VPS13B: variants seen among roughly 807,000 people sequenced by gnomAD.
The protein encoded by VPS13B is vacuolar protein sorting 13 homolog B.
In VPS13B, 285 loss-of-function variants were observed where a neutral mutation model predicts 426.4. The observed-to-expected ratio is 0.67, with a 90% CI of 0.61 to 0.74. The LOEUF (loss-of-function observed/expected upper bound fraction) is 0.74. Ranked by LOEUF, VPS13B falls within the 30% of genes least tolerant of loss-of-function variation. The pLI is 0.00. For missense variants in VPS13B, 4,537 were observed against 4,782.6 expected (o/e 0.95, Z 1.51); for synonymous variants, 1,676 against 1,676.4 (o/e 1.00, Z 0.01).
chr8:99,526,917 G>T (rs949533992), intron 30 of VPS13B, among the ~76,000 whole-genome samples: 3 of 152,088 alleles, frequency 2.0e-5, no homozygotes, highest in Non-Finnish European at 4.4e-5. Context: ...TAGGCTTCTG[G>T]GTGATTGGGT....
At chr8:99,401,346 T>A (rs1278758188) in intron 21 of VPS13B, among the ~76,000 whole-genome samples, 1 of 152,238 alleles carries the variant, frequency 6.6e-6, no homozygotes, top group Non-Finnish European at 1.5e-5. Context: ...GTATACAGGT[T>A]ATGAGTATTA....
chr8:99,380,789 ATTT>A (rs72496490), intron 19 of VPS13B, among the ~76,000 whole-genome samples: 3,076 of 151,368 alleles, frequency 0.02, 113 homozygotes, highest in African/African-American at 0.071. Flanking sequence ...CAAATGTACT[ATTT>A]TCAGTTATCC....
chr8:99,141,879 C>A (rs1208188080), intron 12 of VPS13B, among the ~76,000 whole-genome samples: 9 of 109,718 alleles, frequency 8.2e-5, no homozygotes, highest in Non-Finnish European at 9.2e-5. Context: ...CCTGTCTCTA[C>A]TAAAAAAAAA....
chr8:99,778,173 A>G (rs1811834074), intron 41 of VPS13B, among the ~76,000 whole-genome samples: 1 of 151,440 alleles, frequency 6.6e-6, no homozygotes, highest in Non-Finnish European at 1.5e-5. Flanking sequence ...CAGAGGTTGC[A>G]GTGAGCCAAG....
At chr8:99,605,679 A>T (rs1827533386) in intron 33 of VPS13B, among the ~76,000 whole-genome samples, 1 of 152,176 alleles carries the variant, frequency 6.6e-6, no homozygotes, top group Non-Finnish European at 1.5e-5. Context: ...ATATTTGTGA[A>T]TCTTTGGAAT....
At chr8:99,820,266 T>C (rs990761226) in intron 49 of VPS13B, 144 bp downstream of exon 49, 2 of 775,434 alleles carry the variant, frequency 2.6e-6, no homozygotes, top group Non-Finnish European at 4.2e-6. Context: ...GGAATGTTCT[T>C]TGATATTCAA....
chr8:99,321,576 T>C (rs1457850982), intron 19 of VPS13B, among the ~76,000 whole-genome samples: 1 of 152,192 alleles, frequency 6.6e-6, no homozygotes, highest in Admixed American at 6.5e-5. Context: ...GACATGATAT[T>C]TTTCCTAATA....
intron 7 of VPS13B, among the ~76,000 whole-genome samples, chr8:99,119,871 G>T (rs1240409008): frequency 6.8e-6 from 1 of 147,920 alleles, no homozygotes; most frequent in East Asian, 2.0e-4. Flanking sequence ...TTTCCATGGT[G>T]TTTTTTTTTT....
chr8:99,854,404 A>T, intron 56 of VPS13B, 148 bp downstream of exon 56: 1 of 954,318 alleles, frequency 1.0e-6, no homozygotes, highest in Non-Finnish European at 1.6e-6. Context: ...CTGGATCTAA[A>T]TCTAGAGCCT....
intron 24 of VPS13B, among the ~76,000 whole-genome samples, chr8:99,480,109 C>T (rs1440384928): frequency 6.6e-6 from 1 of 152,132 alleles, no homozygotes; most frequent in Non-Finnish European, 1.5e-5. Context: ...TTCATTGTGG[C>T]TTTACTTGGC....
In VPS13B at chr8:99,156,618, G is replaced by A. The variant is rs763463283; in HGVS notation, c.2083G>A (p.Val695Met). Residue 695 changes from valine (V) to methionine (M), a missense_variant, in exon 15 of 62, where the codon GTG becomes ATG. Physicochemically the swap from Val to Met is conservative, Grantham distance 21 (BLOSUM62 1). Transcript: ENST00000357162. ...LRPLPSIRIL[V>M]DKINLEHSVP... Reference sequence around the variant, plus strand: ...GCCTTTGCCATCCATTCGAATATTGGTGGATAAAATTAATCTGGAACATTC... The same window carrying A: ...GCCTTTGCCATCCATTCGAATATTGATGGATAAAATTAATCTGGAACATTC... 1 of 1,614,096 alleles carries A rather than the reference G, an allele frequency of 6.2e-7. No homozygotes were observed. The highest frequency in any genetic ancestry group is 8.5e-7 in the Non-Finnish European group (1 of 1,179,946).
At chr8:99,840,243 T>C (rs986045804) in intron 54 of VPS13B, among the ~76,000 whole-genome samples, 7 of 152,268 alleles carry the variant, frequency 4.6e-5, no homozygotes, top group African/African-American at 1.2e-4. Context: ...CTGTCTGTTA[T>C]TATTGAACTT....
At chr8:99,568,393 C>T (rs151137221) in intron 31 of VPS13B, among the ~76,000 whole-genome samples, 3 of 151,514 alleles carry the variant, frequency 2.0e-5, no homozygotes, top group South Asian at 4.2e-4. Flanking sequence ...CGGGTTCAAG[C>T]GATTCTCTTG....
intron 3 of VPS13B, among the ~76,000 whole-genome samples, chr8:99,087,248 C>G (rs540572701): frequency 1.3e-5 from 2 of 152,200 alleles, no homozygotes; most frequent in African/African-American, 4.8e-5. Flanking sequence ...GCGTAGGACC[C>G]ACCCAGCCAT....
intron 19 of VPS13B, among the ~76,000 whole-genome samples, chr8:99,364,215 A>G (rs762457944): frequency 6.6e-6 from 1 of 152,228 alleles, no homozygotes; most frequent in Non-Finnish European, 1.5e-5. Context: ...ATCAGTTGAA[A>G]TGATCATATG....
intron 49 of VPS13B, among the ~76,000 whole-genome samples, chr8:99,820,986 A>G (rs1814324065): frequency 6.6e-6 from 1 of 151,812 alleles, no homozygotes; most frequent in Admixed American, 6.6e-5. Flanking sequence ...TGGTATTTGC[A>G]GGGTAGTCAC....
chr8:99,112,994 T>C (rs1847448549), intron 6 of VPS13B, among the ~76,000 whole-genome samples: 1 of 152,038 alleles, frequency 6.6e-6, no homozygotes, highest in Admixed American at 6.6e-5. Context: ...TTTTATTTCT[T>C]TCTTCTTTTC....
At chr8:99,806,053 T>G (rs1015379291) in intron 43 of VPS13B, among the ~76,000 whole-genome samples, 7 of 152,210 alleles carry the variant, frequency 4.6e-5, no homozygotes, top group Admixed American at 2.0e-4. Flanking sequence ...TAGCCCACGT[T>G]GCCCCTCATG....
chr8:99,474,256 T>G (rs1265611900), intron 24 of VPS13B, among the ~76,000 whole-genome samples: 1 of 148,912 alleles, frequency 6.7e-6, no homozygotes, highest in Non-Finnish European at 1.5e-5. Flanking sequence ...TGATGTGATC[T>G]CGGCTCACTG....
Sources: gnomAD v4.1 joint callset for allele counts (sites outside exome capture counted in the v4.1 genomes callset) on GRCh38, gnomAD v4.1.1 for gene constraint, MANE v1.5 for transcripts, NCBI Gene and HGNC (gene_info 2026-07-23, HGNC 2026-07-21) for gene names.